PROKR1: variants seen among roughly 807,000 people sequenced by gnomAD.
PROKR1 encodes the protein G protein-coupled receptor 73.
In PROKR1, 21 loss-of-function variants were observed where a neutral mutation model predicts 22.8. That is an observed-to-expected ratio of 0.92 (90% CI 0.65 to 1.32). PROKR1 has a LOEUF of 1.32. Among genes scored for constraint, PROKR1 ranks in the 40% most tolerant of loss-of-function variants. The probability of loss-of-function intolerance (pLI) is 0.00; values close to 1 mark genes in which losing one functional copy is unlikely to be tolerated. For missense variants in PROKR1, 548 were observed against 514.2 expected, an observed-to-expected ratio of 1.07 and a Z score of -0.64; for synonymous variants, 193 against 207.5, an observed-to-expected ratio of 0.93 and a Z score of 0.60.
chr2:68,645,205 G>C (rs1010970322), intron 1 of PROKR1, among the ~76,000 whole-genome samples: 3 of 152,180 alleles, frequency 2.0e-5, no homozygotes, highest in African/African-American at 4.8e-5. Flanking sequence ...GGTCATAGCA[G>C]GTTCTAATGT....
intron 2 of PROKR1, among the ~76,000 whole-genome samples, chr2:68,654,501 T>C (rs1673398162): frequency 6.6e-6 from 1 of 152,198 alleles, no homozygotes; most frequent in Non-Finnish European, 1.5e-5. Flanking sequence ...GAAGCCCACG[T>C]ACCATTGGGA....
intron 2 of PROKR1, among the ~76,000 whole-genome samples, chr2:68,653,569 T>G (rs951876121): frequency 7.9e-5 from 12 of 152,228 alleles, no homozygotes; most frequent in Non-Finnish European, 1.0e-4. Flanking sequence ...CTACCTGGAA[T>G]AAGTTCTGGA....
chr2:68,653,826 G>A (rs1174445785), intron 2 of PROKR1, among the ~76,000 whole-genome samples: 1 of 149,904 alleles, frequency 6.7e-6, no homozygotes, highest in East Asian at 1.9e-4. Flanking sequence ...TGTGGTAACA[G>A]CAATGTGGGT....
chr2:68,645,616 C>A, intron 1 of PROKR1, 46 bp from the exon 2 acceptor site: 1 of 712,702 alleles, frequency 1.4e-6, no homozygotes. Flanking sequence ...TGAATTTGGC[C>A]AGCTTTACTG....
In PROKR1 at chr2:68,655,352, T is replaced by C. The variant is rs1330849849; in HGVS notation, c.958T>C (p.Tyr320His). The change falls in exon 3 of 3, where the codon TAC (tyrosine) becomes CAC (histidine). Residue 320 changes from tyrosine to histidine, a missense_variant. Physicochemically the swap from Tyr to His is moderately conservative, Grantham distance 83. Transcript: ENST00000303786. ...CACCGTGTTTGTGAAGGAGAAGCACTACCTCACTGCCTTCTACATCGTCGA... is the reference window on the plus strand; with the variant it reads ...CACCGTGTTTGTGAAGGAGAAGCACCACCTCACTGCCTTCTACATCGTCGA... The part of the protein sequence containing the change: ...FPTVFVKEKH[Y>H]LTAFYIVECI... The C allele has an allele frequency of 1.2e-6, 2 of 1,614,210 alleles. No individual in the cohort carries two copies. The highest frequency in any genetic ancestry group is 1.7e-6 in the Non-Finnish European group (2 of 1,179,992).
intron 2 of PROKR1, among the ~76,000 whole-genome samples, chr2:68,652,881 C>T (rs555791167): frequency 9.9e-5 from 15 of 152,214 alleles, no homozygotes; most frequent in African/African-American, 3.4e-4. Flanking sequence ...GGTGGTTGTT[C>T]CTTCCCACAT....
At chr2:68,651,049 G>A (rs80266250) in intron 2 of PROKR1, among the ~76,000 whole-genome samples, 4,269 of 152,256 alleles carry the variant, frequency 0.028, 92 homozygotes, top group Non-Finnish European at 0.042. Context: ...CCAGGCAGAG[G>A]GAGTCAGACC....
intron 2 of PROKR1, among the ~76,000 whole-genome samples, chr2:68,651,165 C>G (rs1286118716): frequency 2.0e-5 from 3 of 151,878 alleles, no homozygotes; most frequent in Non-Finnish European, 4.4e-5. Context: ...AGTTCAAGAT[C>G]AGCCTGGGCA....
At chr2:68,650,481 GC>G (rs1428097249) in intron 2 of PROKR1, among the ~76,000 whole-genome samples, 1 of 152,074 alleles carries the variant, frequency 6.6e-6, no homozygotes, top group Admixed American at 6.6e-5. Context: ...TAATTATTGT[GC>G]CCCGACCTCC....
At chr2:68,654,097 T>C (rs1164103753) in intron 2 of PROKR1, among the ~76,000 whole-genome samples, 3 of 152,124 alleles carry the variant, frequency 2.0e-5, no homozygotes, top group Non-Finnish European at 4.4e-5. Context: ...AAGCAACAAT[T>C]TTTAGAATGT....
At chr2:68,645,186 A>G (rs1165475966) in intron 1 of PROKR1, among the ~76,000 whole-genome samples, 1 of 152,160 alleles carries the variant, frequency 6.6e-6, no homozygotes, top group African/African-American at 2.4e-5. Context: ...TGCTGTTCCC[A>G]GCTTCTAGGG....
At chr2:68,647,862 C>G (rs949144038) in intron 2 of PROKR1, among the ~76,000 whole-genome samples, 15 of 151,678 alleles carry the variant, frequency 9.9e-5, no homozygotes, top group South Asian at 2.1e-4. Context: ...AATCAAAGAG[C>G]CCTGCAGCTT....
At chr2:68,652,671 T>C (rs1673357431) in intron 2 of PROKR1, among the ~76,000 whole-genome samples, 1 of 125,088 alleles carries the variant, frequency 8.0e-6, no homozygotes, top group African/African-American at 4.0e-5. Flanking sequence ...AAAATACATT[T>C]TAAAATGCTA....
In PROKR1 at chr2:68,646,198, G is replaced by T. The variant is rs773143607; in HGVS notation, c.377G>T (p.Arg126Leu). Residue 126 changes from arginine to leucine, a missense_variant, in exon 2 of 3, where the codon CGC (arginine) becomes CTC (leucine). Coordinates refer to ENST00000303786, the MANE Select transcript of PROKR1 (RefSeq NM_138964.4). ...CPFEMDYYVV[R>L]QLSWEHGHVL... ...TTTGAGATGGACTACTATGTGGTGCGCCAGCTCTCCTGGGAGCACGGCCAC... is the reference window on the plus strand; with the variant it reads ...TTTGAGATGGACTACTATGTGGTGCTCCAGCTCTCCTGGGAGCACGGCCAC... 5.0e-6 allele frequency: 8 copies of T among 1,610,072 alleles called. No homozygotes were observed. The Admixed American group carries it at 1.0e-4, about 20-fold the overall frequency.
intron 2 of PROKR1, among the ~76,000 whole-genome samples, chr2:68,649,182 T>A (rs1309780861): frequency 6.6e-6 from 1 of 152,218 alleles, no homozygotes; most frequent in Non-Finnish European, 1.5e-5. Context: ...AACAGAACTA[T>A]TTATCATCTA....
chr2:68,653,424 G>GTA (rs1391965469), intron 2 of PROKR1, among the ~76,000 whole-genome samples: 1 of 115,056 alleles, frequency 8.7e-6, no homozygotes, highest in Non-Finnish European at 1.7e-5. Flanking sequence ...AATACAGTCA[G>GTA]GAAAAAAAAA....
intron 2 of PROKR1, among the ~76,000 whole-genome samples, chr2:68,650,715 A>G (rs1477504329): frequency 6.6e-6 from 1 of 152,222 alleles, no homozygotes; most frequent in Non-Finnish European, 1.5e-5. Flanking sequence ...AGGGAGAACT[A>G]ACACTTACAA....
rs1031839357 is a variant in PROKR1, at chr2:68,643,837, G to A, written c.-172G>A. The A allele has an allele frequency of 6.6e-6, 1 of 152,432 alleles. No individual in the cohort carries two copies. The highest frequency in any genetic ancestry group is 6.5e-5 in the Admixed American group (1 of 15,310). 9.4% of individuals were successfully genotyped at this position (152,432 alleles called of 1,614,324 possible). On this transcript the variant is annotated 5_prime_UTR_variant, in exon 1 of 3. Transcript: ENST00000303786. ...ACCCGGACCTTGCCTGCCGGGCTCC[G>A]CGATGCCGCAGGTACAGAGCGCGCC...
At chr2:68,651,926 A>G (rs1188347543) in intron 2 of PROKR1, among the ~76,000 whole-genome samples, 2 of 152,258 alleles carry the variant, frequency 1.3e-5, no homozygotes, top group Non-Finnish European at 2.9e-5. Flanking sequence ...ATATAAGCAG[A>G]GAAAAGCAGC....
Sources: gnomAD v4.1 joint callset for allele counts (sites outside exome capture counted in the v4.1 genomes callset) on GRCh38, gnomAD v4.1.1 for gene constraint, MANE v1.5 for transcripts, NCBI Gene and HGNC (gene_info 2026-07-23, HGNC 2026-07-21) for gene names.